The following EYS variants were observed in gnomAD, a reference collection of about 807,000 sequenced individuals.
EYS encodes EGF-like photoreceptor maintenance factor.
Under a neutral mutation model 282.1 loss-of-function variants are expected in EYS, and 250 were observed. The observed-to-expected ratio is 0.89, with a 90% CI of 0.80 to 0.98. EYS has a LOEUF of 0.98. Ranked by LOEUF, EYS falls within the 50% of genes least tolerant of loss-of-function variation. The pLI is 0.00. For missense variants in EYS, 4,016 were observed against 3,709.0 expected (o/e 1.08, Z -2.15); for synonymous variants, 1,355 against 1,282.9 (o/e 1.06, Z -1.20).
intron 22 of EYS, among the ~76,000 whole-genome samples, chr6:64,673,599 T>A (rs1383285351): frequency 6.6e-6 from 1 of 152,082 alleles, no homozygotes; most frequent in Non-Finnish European, 1.5e-5. Flanking sequence ...ATTAATATTA[T>A]ACTTATCGAG....
intron 29 of EYS, among the ~76,000 whole-genome samples, chr6:64,316,033 ACT>A (rs1334187417): frequency 2.0e-5 from 3 of 152,114 alleles, no homozygotes; most frequent in African/African-American, 7.2e-5. Context: ...CATGCTAAAA[ACT>A]CTCAATAAAC....
intron 26 of EYS, among the ~76,000 whole-genome samples, chr6:64,481,211 T>C (rs1052801371): frequency 2.0e-5 from 3 of 149,682 alleles, no homozygotes; most frequent in African/African-American, 7.3e-5. Context: ...ATGATATATA[T>C]ATGATTACAT....
At chr6:64,987,560 A>C (rs1393872190) in intron 14 of EYS, among the ~76,000 whole-genome samples, 2 of 151,500 alleles carry the variant, frequency 1.3e-5, no homozygotes, top group Non-Finnish European at 3.0e-5. Flanking sequence ...TCCTGTGGGC[A>C]GCTGAACTCA....
chr6:63,826,124 T>C (rs1300044076), intron 36 of EYS, among the ~76,000 whole-genome samples: 1 of 152,106 alleles, frequency 6.6e-6, no homozygotes, highest in African/African-American at 2.4e-5. Flanking sequence ...AACAATAGAA[T>C]TGAACAAGTA....
At chr6:65,460,098 C>T (rs199626202) in intron 5 of EYS, among the ~76,000 whole-genome samples, 2 of 142,764 alleles carry the variant, frequency 1.4e-5, no homozygotes, top group Non-Finnish European at 3.0e-5. Context: ...CACACACACA[C>T]ATACATATAA....
At chr6:65,581,343 A>G (rs1764862201) in intron 2 of EYS, among the ~76,000 whole-genome samples, 1 of 152,142 alleles carries the variant, frequency 6.6e-6, no homozygotes, top group African/African-American at 2.4e-5. Flanking sequence ...TTGTACAGCA[A>G]ACGTTTTAAA....
intron 28 of EYS, among the ~76,000 whole-genome samples, chr6:64,406,320 A>G (rs1773706184): frequency 6.6e-6 from 1 of 152,232 alleles, no homozygotes; most frequent in South Asian, 2.1e-4. Flanking sequence ...CTCAAGATGG[A>G]TTAAAGACTT....
chr6:63,801,702 TA>T (rs934754656), intron 37 of EYS, among the ~76,000 whole-genome samples: 8 of 152,180 alleles, frequency 5.3e-5, no homozygotes, highest in Non-Finnish European at 8.8e-5. Flanking sequence ...TTAGGTTAGG[TA>T]AAAATCATAA....
At chr6:64,593,544 CTTTAAT>C (rs1203178669) in intron 24 of EYS, among the ~76,000 whole-genome samples, 2 of 151,908 alleles carry the variant, frequency 1.3e-5, no homozygotes, top group Non-Finnish European at 2.9e-5. Flanking sequence ...TTCTTAATTC[CTTTAAT>C]TTTAAGTCAA....
At chr6:65,610,678 C>A (rs72882245) in intron 2 of EYS, among the ~76,000 whole-genome samples, 4,040 of 152,166 alleles carry the variant, frequency 0.027, 84 homozygotes, top group Non-Finnish European at 0.037. Flanking sequence ...ACTTCTATAA[C>A]TTTTCTAGTT....
intron 15 of EYS, among the ~76,000 whole-genome samples, chr6:64,944,744 G>A (rs1012164120): frequency 1.1e-4 from 17 of 152,022 alleles, no homozygotes; most frequent in African/African-American, 3.9e-4. Flanking sequence ...TGAATGTCTC[G>A]GTATAAAACC....
At chr6:65,353,848 C>T (rs1764379279) in intron 8 of EYS, among the ~76,000 whole-genome samples, 1 of 151,988 alleles carries the variant, frequency 6.6e-6, no homozygotes, top group South Asian at 2.1e-4. Flanking sequence ...AGCTTTGACT[C>T]ACTCTCAATA....
chr6:65,689,393 A>C (rs975284827), intron 1 of EYS, among the ~76,000 whole-genome samples: 7 of 149,360 alleles, frequency 4.7e-5, no homozygotes, highest in Non-Finnish European at 1.0e-4. Flanking sequence ...GGTAGGGGGG[A>C]GGGATAGCAT....
chr6:65,046,553 T>C (rs1322338477), intron 13 of EYS, among the ~76,000 whole-genome samples: 1 of 151,844 alleles, frequency 6.6e-6, no homozygotes, highest in Non-Finnish European at 1.5e-5. Context: ...TCAAATAAAG[T>C]CTGAGCAACA....
At chr6:64,612,977 A>T (rs1767159031) in intron 24 of EYS, among the ~76,000 whole-genome samples, 1 of 152,122 alleles carries the variant, frequency 6.6e-6, no homozygotes, top group South Asian at 2.1e-4. Flanking sequence ...GAATTGCTAC[A>T]AATTGTTAGG....
intron 29 of EYS, among the ~76,000 whole-genome samples, chr6:64,338,978 A>G (rs1335259943): frequency 1.3e-5 from 2 of 148,620 alleles, no homozygotes; most frequent in East Asian, 2.0e-4. Flanking sequence ...TATACAAAAA[A>G]TCAGCTCAAG....
At chr6:65,131,134 C>T (rs937166077) in intron 12 of EYS, among the ~76,000 whole-genome samples, 3 of 151,460 alleles carry the variant, frequency 2.0e-5, no homozygotes, top group South Asian at 4.2e-4. Flanking sequence ...ATATTAATCA[C>T]CTCTCTTAGT....
chr6:63,819,673 T>G (rs1038133766), intron 36 of EYS, among the ~76,000 whole-genome samples: 3 of 152,246 alleles, frequency 2.0e-5, no homozygotes, highest in Non-Finnish European at 4.4e-5. Flanking sequence ...ATAAGTTCAG[T>G]ATCTCTCCCT....
At chr6:63,790,029 T>A (rs1232444417) in intron 37 of EYS, among the ~76,000 whole-genome samples, 1 of 152,020 alleles carries the variant, frequency 6.6e-6, no homozygotes, top group Non-Finnish European at 1.5e-5. Flanking sequence ...GGTGTGTTAG[T>A]GGGTGGGGCA....
Sources: gnomAD v4.1 joint callset for allele counts (sites outside exome capture counted in the v4.1 genomes callset) on GRCh38, gnomAD v4.1.1 for gene constraint, MANE v1.5 for transcripts, NCBI Gene and HGNC (gene_info 2026-07-23, HGNC 2026-07-21) for gene names.